The following FNIP1 variants were observed in gnomAD, a reference collection of about 807,000 sequenced individuals.
FNIP1 encodes the protein folliculin interacting protein 1, also known as folliculin-interacting protein 1.
A neutral mutation model predicts 124.5 loss-of-function variants in FNIP1; 40 were observed. The observed-to-expected ratio is 0.32, with a 90% CI of 0.25 to 0.42. FNIP1 has a LOEUF of 0.42. Among genes scored for constraint, FNIP1 ranks in the 10% least tolerant of loss-of-function variants. The pLI, the probability that FNIP1 is intolerant of heterozygous loss-of-function variation, is 1.00. For synonymous variants in FNIP1, 472 were observed against 470.6 expected, an observed-to-expected ratio of 1.00 and a Z score of -0.04; for missense variants, 1,176 against 1,403.7, an observed-to-expected ratio of 0.84 and a Z score of 2.59.
At chr5:131,778,605 A>C (rs573446750) in intron 1 of FNIP1, among the ~76,000 whole-genome samples, 2 of 126,906 alleles carry the variant, frequency 1.6e-5, no homozygotes, top group African/African-American at 6.2e-5. Flanking sequence ...TCAGGGATCT[A>C]GAACTAGAAA....
At chr5:131,780,873 G>C (rs1771973994) in intron 1 of FNIP1, among the ~76,000 whole-genome samples, 1 of 152,198 alleles carries the variant, frequency 6.6e-6, no homozygotes, top group Non-Finnish European at 1.5e-5. Flanking sequence ...GAAAGAAAGA[G>C]TTGCACATCT....
chr5:131,700,749 AAT>A (rs1172936998), intron 10 of FNIP1, among the ~76,000 whole-genome samples: 1 of 152,156 alleles, frequency 6.6e-6, no homozygotes, highest in Admixed American at 6.5e-5. Context: ...TAAAAAAAAA[AAT>A]AGTCTGAAAA....
At chr5:131,773,830 T>C (rs1771719759) in intron 1 of FNIP1, among the ~76,000 whole-genome samples, 1 of 152,182 alleles carries the variant, frequency 6.6e-6, no homozygotes, top group Non-Finnish European at 1.5e-5. Context: ...GTATAGGTTT[T>C]ACCAGGTTGC....
In FNIP1 at chr5:131,796,674, G is replaced by A; in HGVS notation, c.92+156C>T. ...GGTAGGACCTCGCTCCAACCCTTCG[G>A]CGCTAGCCCGCAGCCGGCTCCACCC... is the stretch of plus-strand genomic sequence containing the variant. On this transcript the variant is annotated intron_variant, in intron 1 of 17. Coordinates refer to ENST00000510461, the MANE Select transcript of FNIP1 (RefSeq NM_133372.3). The A allele has an allele frequency of 9.0e-6, 6 of 667,628 alleles. No individual in the cohort carries two copies. The Middle Eastern group carries it at 1.3e-3, about 141-fold the overall frequency. 41.4% of individuals were successfully genotyped at this position (667,628 alleles called of 1,614,324 possible). A position where few individuals can be genotyped will look rare whatever the true frequency, so the allele number is the denominator to read the frequency against.
chr5:131,689,959 G>A (rs1768418981), intron 11 of FNIP1, among the ~76,000 whole-genome samples: 1 of 152,090 alleles, frequency 6.6e-6, no homozygotes, highest in Admixed American at 6.5e-5. Flanking sequence ...AGTGGCTCAC[G>A]CCTGTAATCC....
At chr5:131,728,686 A>G (rs1297627045) in intron 3 of FNIP1, among the ~76,000 whole-genome samples, 2 of 152,040 alleles carry the variant, frequency 1.3e-5, no homozygotes, top group South Asian at 2.1e-4. Context: ...ACTTCTGTCA[A>G]CTTGTCAAAC....
chr5:131,659,845 T>C lies in FNIP1; in HGVS notation c.3109-7846A>G, dbSNP rs373397297. Among the ~76,000 whole-genome samples, 14 of 152,318 alleles carry C rather than the reference T, an allele frequency of 9.2e-5. No homozygotes were observed. The East Asian group carries it at 9.7e-4, about 11-fold the overall frequency. On this transcript the variant is annotated intron_variant, in intron 15 of 17. Coordinates refer to ENST00000510461, the MANE Select transcript of FNIP1 (RefSeq NM_133372.3). ...CTTGGGAGCCACATGCAGCTCATTG[T>C]AGAAGGTGTGGTGCCAGATCTTCTC...
chr5:131,730,403 C>A (rs1037839314), intron 3 of FNIP1, among the ~76,000 whole-genome samples: 1 of 152,182 alleles, frequency 6.6e-6, no homozygotes, highest in Non-Finnish European at 1.5e-5. Context: ...TCAGATGACA[C>A]TTGCTAAGCA....
Position 131,664,815 on chromosome 5 carries a change from C to T in FNIP1, c.3108+5648G>A, listed in dbSNP as rs527293504. On this transcript the variant is annotated intron_variant, in intron 15 of 17. Coordinates refer to ENST00000510461, the MANE Select transcript of FNIP1 (RefSeq NM_133372.3). ...GAATTTAAAACAGATAATATAAAAT[C>T]ATAAAGAGTATAAAAATATGGGTAT... Among the ~76,000 whole-genome samples the T allele has an allele frequency of 7.0e-4, 106 of 150,420 alleles. 1 individual carries two copies. Among genetic ancestry groups the T allele is most frequent in the African/African-American group, 2.4e-3 (99 of 41,090 alleles).
At chr5:131,685,466 T>TC (rs397830583) in intron 11 of FNIP1, among the ~76,000 whole-genome samples, 3 of 149,504 alleles carry the variant, frequency 2.0e-5, no homozygotes, top group African/African-American at 7.4e-5. Flanking sequence ...TTTTTTTTTT[T>TC]GAGATGGAGT....
At chr5:131,793,092 G>A (rs571613284) in intron 1 of FNIP1, among the ~76,000 whole-genome samples, 2 of 152,196 alleles carry the variant, frequency 1.3e-5, no homozygotes, top group South Asian at 2.1e-4. Flanking sequence ...GTGCAGTGGC[G>A]CAATCATGGC....
At chr5:131,734,232 C>T (rs186195811) in intron 2 of FNIP1, among the ~76,000 whole-genome samples, 9 of 152,102 alleles carry the variant, frequency 5.9e-5, no homozygotes, top group African/African-American at 1.9e-4. Flanking sequence ...TCTTATTAGT[C>T]GTGCTAGCGG....
chr5:131,726,631 T>C (rs1356964475), intron 3 of FNIP1, among the ~76,000 whole-genome samples: 1 of 152,198 alleles, frequency 6.6e-6, no homozygotes, highest in Admixed American at 6.5e-5. Context: ...ATTCATTGAT[T>C]TTTTGAAGGG....
rs1181054461 is a variant in FNIP1 at position 131,703,904 on chromosome 5, A to G, written c.1116+161T>C. Among the ~76,000 whole-genome samples, 3 of 152,356 alleles carry G rather than the reference A, an allele frequency of 2.0e-5. No homozygotes were observed. In the East Asian group the frequency reaches 5.8e-4, roughly 29 times the overall value. ...GATCTTATATCTTTTACTAGACAGTAAGCACCTTAAAAAGGGTTCAATCTA... is the reference window on the plus strand; with the variant it reads ...GATCTTATATCTTTTACTAGACAGTGAGCACCTTAAAAAGGGTTCAATCTA... On this transcript the variant is annotated intron_variant, in intron 10 of 17. Transcript: ENST00000510461.
chr5:131,764,077 C>T (rs957210065), intron 1 of FNIP1, among the ~76,000 whole-genome samples: 4 of 151,846 alleles, frequency 2.6e-5, no homozygotes, highest in South Asian at 2.1e-4. Context: ...GCGTGTGGTA[C>T]GCCCCCTTGC....
intron 15 of FNIP1, 128 bp from the exon 16 acceptor site, chr5:131,652,127 C>T: frequency 1.3e-6 from 1 of 754,624 alleles, no homozygotes; most frequent in Non-Finnish European, 2.1e-6. Flanking sequence ...TTCAATATCT[C>T]CTTGACCAAG....
intron 15 of FNIP1, among the ~76,000 whole-genome samples, chr5:131,663,650 C>T (rs1767511635): frequency 6.6e-6 from 1 of 152,280 alleles, no homozygotes; most frequent in South Asian, 2.1e-4. Context: ...GTGACTTTTA[C>T]TAATTGTTTG....
chr5:131,645,081 A>G (rs1171768956), intron 17 of FNIP1, among the ~76,000 whole-genome samples: 1 of 152,150 alleles, frequency 6.6e-6, no homozygotes, highest in African/African-American at 2.4e-5. Context: ...ACACTTTGGG[A>G]GGCCTAGTTG....
chr5:131,780,038 C>CA (rs989175532), intron 1 of FNIP1, among the ~76,000 whole-genome samples: 16 of 150,178 alleles, frequency 1.1e-4, no homozygotes, highest in African/African-American at 3.4e-4. Flanking sequence ...CTGTCTCTAG[C>CA]AAAAAAATAA....
Sources: gnomAD v4.1 joint callset for allele counts (sites outside exome capture counted in the v4.1 genomes callset) on GRCh38, gnomAD v4.1.1 for gene constraint, MANE v1.5 for transcripts, NCBI Gene and HGNC (gene_info 2026-07-23, HGNC 2026-07-21) for gene names.